The following QTMAN variants were observed in gnomAD, a reference collection of about 807,000 sequenced individuals.
The protein encoded by QTMAN is tRNA-queuosine alpha-mannosyltransferase.
At chr2:144,104,895 C>G in the QTMAN span, among the ~76,000 whole-genome samples, 4 of 152,202 alleles carry the variant, frequency 2.6e-5, no homozygotes, top group African/African-American at 9.6e-5. Flanking sequence ...GCCAGGTAAC[C>G]CTCTGAGACG....
At chr2:144,183,872 T>C in the QTMAN span, among the ~76,000 whole-genome samples, 3 of 152,196 alleles carry the variant, frequency 2.0e-5, no homozygotes, top group South Asian at 6.2e-4. Context: ...CTAAAATCAT[T>C]GCATTACTTG....
chr2:144,132,621 C>T, the QTMAN span, among the ~76,000 whole-genome samples: 361 of 152,084 alleles, frequency 2.4e-3, 2 homozygotes, highest in African/African-American at 8.1e-3. Context: ...CATTTGGCTG[C>T]CGTCATATGG....
chr2:143,996,969 T>C, the QTMAN span, among the ~76,000 whole-genome samples: 4 of 152,104 alleles, frequency 2.6e-5, no homozygotes, highest in Non-Finnish European at 4.4e-5. Flanking sequence ...TGATTTAGTT[T>C]TTCAGTTGAA....
At chr2:144,182,411 T>C in the QTMAN span, among the ~76,000 whole-genome samples, 2,189 of 151,974 alleles carry the variant, frequency 0.014, 57 homozygotes, top group African/African-American at 0.05. Flanking sequence ...GAGGCCGAAG[T>C]GTGTGGATCA....
the QTMAN span, among the ~76,000 whole-genome samples, chr2:144,110,237 T>C: frequency 6.6e-6 from 1 of 152,184 alleles, no homozygotes; most frequent in Admixed American, 6.5e-5. Context: ...TCATGTCCTT[T>C]GTAGGGACAT....
At chr2:144,271,928 C>T in the QTMAN span, among the ~76,000 whole-genome samples, 2 of 152,176 alleles carry the variant, frequency 1.3e-5, no homozygotes, top group Non-Finnish European at 2.9e-5. Context: ...CCTACATACT[C>T]CTCCCTGATC....
At chr2:144,121,904 TA>T in the QTMAN span, among the ~76,000 whole-genome samples, 1 of 152,162 alleles carries the variant, frequency 6.6e-6, no homozygotes, top group Non-Finnish European at 1.5e-5. Context: ...TGGTGATGAA[TA>T]AAAGTTATTT....
the QTMAN span, among the ~76,000 whole-genome samples, chr2:144,185,928 TAA>T: frequency 6.6e-6 from 1 of 152,196 alleles, no homozygotes; most frequent in Non-Finnish European, 1.5e-5. Flanking sequence ...GAAAAGATTA[TAA>T]AGTCGTACAC....
At chr2:144,278,666 A>G in the QTMAN span, among the ~76,000 whole-genome samples, 1 of 151,866 alleles carries the variant, frequency 6.6e-6, no homozygotes, top group African/African-American at 2.4e-5. Flanking sequence ...GGTTCTTTCT[A>G]TACCACATCT....
the QTMAN span, among the ~76,000 whole-genome samples, chr2:144,258,136 A>T: frequency 6.6e-6 from 1 of 151,966 alleles, no homozygotes; most frequent in African/African-American, 2.4e-5. Flanking sequence ...CATTAAAAAA[A>T]TGATGAAATG....
At chr2:144,282,622 A>G in the QTMAN span, among the ~76,000 whole-genome samples, 5 of 152,032 alleles carry the variant, frequency 3.3e-5, no homozygotes, top group African/African-American at 4.8e-5. Flanking sequence ...ACAGTTAAAA[A>G]CTGAACTAAA....
the QTMAN span, among the ~76,000 whole-genome samples, chr2:144,014,224 G>A: frequency 6.6e-6 from 1 of 152,184 alleles, no homozygotes; most frequent in Admixed American, 6.6e-5. Context: ...GGATGTTTCA[G>A]TAAGGAACTC....
chr2:144,159,275 T>C, the QTMAN span, among the ~76,000 whole-genome samples: 3 of 152,102 alleles, frequency 2.0e-5, no homozygotes, highest in African/African-American at 7.2e-5. Flanking sequence ...CCTGAAATAA[T>C]TCTTTCAACA....
the QTMAN span, among the ~76,000 whole-genome samples, chr2:144,207,221 G>A: frequency 1.2e-4 from 18 of 152,128 alleles, no homozygotes; most frequent in Admixed American, 1.3e-4. Flanking sequence ...TTCTGAATAC[G>A]CACTAAAACA....
At chr2:144,163,731 G>A in the QTMAN span, among the ~76,000 whole-genome samples, 1 of 152,176 alleles carries the variant, frequency 6.6e-6, no homozygotes, top group Non-Finnish European at 1.5e-5. Context: ...ACCCCACAAT[G>A]CATAGATACA....
At chr2:143,983,557 T>C in the QTMAN span, among the ~76,000 whole-genome samples, 68 of 150,332 alleles carry the variant, frequency 4.5e-4, no homozygotes, top group Middle Eastern at 0.031. Context: ...ACTGCAAGCT[T>C]CGCCTCCCGG....
the QTMAN span, among the ~76,000 whole-genome samples, chr2:143,951,610 G>C: frequency 6.6e-6 from 1 of 151,642 alleles, no homozygotes; most frequent in African/African-American, 2.4e-5. Flanking sequence ...ATTTCATTAT[G>C]ATGGGAAGAA....
the QTMAN span, among the ~76,000 whole-genome samples, chr2:144,051,277 C>A: frequency 6.6e-6 from 1 of 151,998 alleles, no homozygotes; most frequent in Non-Finnish European, 1.5e-5. Flanking sequence ...ATACCTATAA[C>A]CCTAGCACTT....
chr2:144,143,333 A>T, the QTMAN span, among the ~76,000 whole-genome samples: 1 of 151,990 alleles, frequency 6.6e-6, no homozygotes, highest in Non-Finnish European at 1.5e-5. Flanking sequence ...TGGAAAGAAG[A>T]CATGTTATGT....
Sources: allele counts gnomAD v4.1 joint callset (sites outside exome capture counted in the v4.1 genomes callset), GRCh38; gene constraint gnomAD v4.1.1; transcripts MANE v1.5; gene names NCBI Gene and HGNC (gene_info 2026-07-23, HGNC 2026-07-21).